GPLD1: variants seen among roughly 807,000 people sequenced by gnomAD.
GPLD1 encodes the protein phosphatidylinositol-glycan-specific phospholipase D.
In GPLD1, 84 loss-of-function variants were observed where a neutral mutation model predicts 112.6. The observed-to-expected ratio is 0.75, with a 90% CI of 0.63 to 0.89. The LOEUF (loss-of-function observed/expected upper bound fraction) is 0.89. Among genes scored for constraint, GPLD1 ranks in the 40% least tolerant of loss-of-function variants. The probability of loss-of-function intolerance (pLI) is 0.00; values close to 1 mark genes in which losing one functional copy is unlikely to be tolerated. For synonymous variants in GPLD1, 386 were observed against 403.8 expected (o/e 0.96, Z 0.53); for missense variants, 1,044 against 1,051.5 (o/e 0.99, Z 0.10).
At chr6:24,453,235 CTTAA>C (rs1030227019) in intron 14 of GPLD1, among the ~76,000 whole-genome samples, 3 of 152,010 alleles carry the variant, frequency 2.0e-5, no homozygotes, top group Admixed American at 6.6e-5. Context: ...TGTTTTTATT[CTTAA>C]TTTTTGACAA....
chr6:24,473,482 A>G, intron 6 of GPLD1, 137 bp downstream of exon 6: 1 of 577,948 alleles, frequency 1.7e-6, no homozygotes, highest in Non-Finnish European at 3.2e-6. Flanking sequence ...TCTCTACTCT[A>G]AATGAACTGC....
intron 20 of GPLD1, among the ~76,000 whole-genome samples, chr6:24,444,306 A>C (rs793717): frequency 0.71 from 108,656 of 151,988 alleles, 39,124 homozygotes; most frequent in East Asian, 0.85. Flanking sequence ...ATATTTACTA[A>C]CATGAGAATG....
At chr6:24,458,360 C>G (rs1763331538) in intron 12 of GPLD1, among the ~76,000 whole-genome samples, 1 of 152,156 alleles carries the variant, frequency 6.6e-6, no homozygotes, top group Admixed American at 6.5e-5. Flanking sequence ...CTTGCTCATT[C>G]ATCCAGGAAG....
chr6:24,451,578 T>G (rs936716689), intron 14 of GPLD1, among the ~76,000 whole-genome samples: 64 of 151,936 alleles, frequency 4.2e-4, no homozygotes, highest in African/African-American at 1.5e-3. Context: ...CCTCAGGATC[T>G]GCCCGCCTTG....
chr6:24,442,422 A>ATTTTTTTTTTTTTTTT, intron 20 of GPLD1, among the ~76,000 whole-genome samples: 1 of 60,638 alleles, frequency 1.6e-5, no homozygotes, highest in Non-Finnish European at 2.9e-5. Context: ...CATCTGGCTA[A>ATTTTTTTTTTTTTTTT]TTTTTTTTTT....
At chr6:24,461,294 A>C (rs1454539416) in intron 11 of GPLD1, among the ~76,000 whole-genome samples, 5 of 152,124 alleles carry the variant, frequency 3.3e-5, no homozygotes, top group Non-Finnish European at 7.4e-5. Flanking sequence ...AATGTGATTA[A>C]ACAACAACAA....
chr6:24,472,817 C>T (rs993450843), intron 6 of GPLD1, among the ~76,000 whole-genome samples, 181 bp from the exon 7 acceptor site: 20 of 151,778 alleles, frequency 1.3e-4, no homozygotes, highest in Middle Eastern at 6.8e-3. Context: ...CTCTTATTGC[C>T]CAGGCTGGAG....
At chr6:24,457,840 G>A (rs891272274) in intron 12 of GPLD1, among the ~76,000 whole-genome samples, 28 of 151,160 alleles carry the variant, frequency 1.9e-4, no homozygotes, top group Non-Finnish European at 2.9e-4. Flanking sequence ...GCCGCTGCAC[G>A]CTAGCCTGGG....
chr6:24,451,526 C>G (rs142218306), intron 14 of GPLD1, among the ~76,000 whole-genome samples: 1 of 152,102 alleles, frequency 6.6e-6, no homozygotes. Context: ...TTAGTAGAGA[C>G]GGGGTTTCAC....
intron 13 of GPLD1, 56 bp downstream of exon 13, chr6:24,456,438 ATGAT>A: frequency 9.2e-7 from 1 of 1,083,106 alleles, no homozygotes; most frequent in Non-Finnish European, 1.4e-6. Flanking sequence ...CAGTTGCAGA[ATGAT>A]TGAATAAAAT....
rs533750200 is a variant in GPLD1, at chr6:24,445,413, T to C, written c.2020+133A>G. On this transcript the variant is annotated intron_variant, in intron 20 of 24. Coordinates refer to ENST00000230036, the MANE Select transcript of GPLD1 (RefSeq NM_001503.4). Reference sequence around the variant, plus strand: ...GTAACTTCCCCAAAGTTACACAGAATGTTATTAATGAAAAAAGGAAATATT... The same window carrying C: ...GTAACTTCCCCAAAGTTACACAGAACGTTATTAATGAAAAAAGGAAATATT... The C allele has an allele frequency of 1.9e-5, 12 of 636,938 alleles. No individual in the cohort carries two copies. The African/African-American group carries it at 2.0e-4, about 11-fold the overall frequency. 39.5% of individuals were successfully genotyped at this position (636,938 alleles called of 1,614,324 possible). A position where few individuals can be genotyped will look rare whatever the true frequency, so the allele number is the denominator to read the frequency against.
chr6:24,454,029 G>A lies in GPLD1; in HGVS notation c.1321C>T (p.Leu441Phe), dbSNP rs186204378. Reference protein sequence around the residue: ...LDLDKEAHRILEGFQPSGRFG... With the variant: ...LDLDKEAHRIFEGFQPSGRFG... ...TGGTGTCTCACCTGGAAGCCTTCAA[G>A]GATCCTGTGGGCCTCCTTGTCCAGG... The change falls in exon 14 of 25, where the codon CTT (leucine) becomes TTT (phenylalanine). Residue 441 changes from leucine (L) to phenylalanine (F), a missense_variant. By Grantham distance (22) the Leu-to-Phe change is conservative (BLOSUM62 0). Coordinates refer to ENST00000230036, the MANE Select transcript of GPLD1 (RefSeq NM_001503.4). 9.6e-5 allele frequency: 154 copies of A among 1,610,622 alleles called. 1 individual carries two copies. The East Asian group carries it at 3.0e-3, about 32-fold the overall frequency.
At chr6:24,444,908 C>T (rs1233446617) in intron 20 of GPLD1, among the ~76,000 whole-genome samples, 1 of 152,092 alleles carries the variant, frequency 6.6e-6, no homozygotes, top group African/African-American at 2.4e-5. Flanking sequence ...CTGACTTATA[C>T]AATTTTTCTC....
At chr6:24,470,698 A>G (rs535285902) in intron 7 of GPLD1, among the ~76,000 whole-genome samples, 1 of 152,278 alleles carries the variant, frequency 6.6e-6, no homozygotes, top group South Asian at 2.1e-4. Context: ...TCCCAGGTTC[A>G]AGTGATTCTC....
chr6:24,436,703 G>A lies in GPLD1; in HGVS notation c.2231C>T (p.Ala744Val), dbSNP rs771588166. 6 of 1,613,976 alleles carry A rather than the reference G, an allele frequency of 3.7e-6. No individual in the cohort carries two copies. The South Asian group carries it at 6.6e-5, about 18-fold the overall frequency. The change falls in exon 22 of 25, where the codon GCA becomes GTA. Residue 744 changes from alanine to valine, a missense_variant. Transcript: ENST00000230036. ...EIIMAAPLRI[A>V]DVTSGLIGGE... ...CCCAATCAGTCCAGAGGTTACATCT[G>A]CTATCCTCAGGGGGGCTGCCATGAT...
intron 21 of GPLD1, 21 bp from the exon 22 acceptor site, chr6:24,436,757 C>A (rs1430896141): frequency 6.2e-6 from 10 of 1,610,986 alleles, no homozygotes; most frequent in Non-Finnish European, 7.6e-6. Flanking sequence ...TAAAAACCGA[C>A]AGAAGGAAGT....
Position 24,486,124 on chromosome 6 carries a change from C to A in GPLD1, c.104G>T (p.Arg35Ile). The A allele has an allele frequency of 6.4e-7, 1 of 1,571,514 alleles. No individual in the cohort carries two copies. Among genetic ancestry groups the A allele is most frequent in the Non-Finnish European group, 8.7e-7 (1 of 1,143,462 alleles). ...GLSTHVEIGH[R>I]ALEFLQLHNG... ...GTGAAGCTGAAGAAACTCCAGAGCT[C>A]TGTGTCCTGAGAGAAATAAATACAT... Residue 35 changes from arginine to isoleucine, a missense_variant, in exon 2 of 25, where the codon AGA (arginine) becomes ATA (isoleucine). Arg to Ile is a moderately conservative substitution (Grantham distance 97). Coordinates refer to ENST00000230036, the MANE Select transcript of GPLD1 (RefSeq NM_001503.4).
chr6:24,472,075 TATAA>T (rs1222677446), intron 7 of GPLD1, among the ~76,000 whole-genome samples: 1 of 152,178 alleles, frequency 6.6e-6, no homozygotes, highest in African/African-American at 2.4e-5. Context: ...AGCCAGAATA[TATAA>T]ATACTCACAA....
chr6:24,491,004 T>G (rs952620492), upstream of GPLD1, among the ~76,000 whole-genome samples: 39 of 152,160 alleles, frequency 2.6e-4, no homozygotes, highest in African/African-American at 8.9e-4. Context: ...TTTTTCTAAA[T>G]GAGAAAATTC....
Sources: gnomAD v4.1 joint callset for allele counts (sites outside exome capture counted in the v4.1 genomes callset) on GRCh38, gnomAD v4.1.1 for gene constraint, MANE v1.5 for transcripts, NCBI Gene and HGNC (gene_info 2026-07-23, HGNC 2026-07-21) for gene names.